The following CNTN5 variants were observed in gnomAD, a reference collection of about 807,000 sequenced individuals.
CNTN5 encodes contactin-5.
Under a neutral mutation model 129.1 loss-of-function variants are expected in CNTN5, and 77 were observed. The observed-to-expected ratio is 0.60, with a 90% CI of 0.50 to 0.72. The LOEUF is 0.72. Ranked by LOEUF, CNTN5 falls within the 30% of genes least tolerant of loss-of-function variation. CNTN5 has a pLI of 0.00. For missense variants in CNTN5, 1,478 were observed against 1,328.8 expected (o/e 1.11, Z -1.75); for synonymous variants, 509 against 465.6 (o/e 1.09, Z -1.20).
chr11:99,315,739 C>A (rs1865311625), intron 1 of CNTN5, among the ~76,000 whole-genome samples: 1 of 148,792 alleles, frequency 6.7e-6, no homozygotes, highest in African/African-American at 2.4e-5. Context: ...GAATGTAAAT[C>A]GCGGAGTGGG....
At chr11:99,647,222 A>T (rs922501682) in intron 3 of CNTN5, among the ~76,000 whole-genome samples, 1 of 152,108 alleles carries the variant, frequency 6.6e-6, no homozygotes, top group Middle Eastern at 3.4e-3. Context: ...GCTTCAATAC[A>T]TTTGGTAAAG....
At chr11:99,587,240 CT>C (rs1949823431) in intron 3 of CNTN5, among the ~76,000 whole-genome samples, 1 of 152,190 alleles carries the variant, frequency 6.6e-6, no homozygotes, top group Non-Finnish European at 1.5e-5. Context: ...CTACTCTATA[CT>C]GCACAGGATC....
intron 1 of CNTN5, among the ~76,000 whole-genome samples, chr11:99,149,239 C>T (rs1041113272): frequency 7.2e-5 from 11 of 152,056 alleles, no homozygotes; most frequent in Middle Eastern, 3.4e-3. Context: ...TCTTGTGTGT[C>T]ATCAACAAGG....
At chr11:100,128,355 T>A (rs11222866) in intron 13 of CNTN5, among the ~76,000 whole-genome samples, 19,496 of 152,106 alleles carry the variant, frequency 0.13, 1,304 homozygotes, top group East Asian at 0.19. Context: ...AATCAGTAAC[T>A]GCAGTTGATT....
At chr11:99,500,078 GAA>G (rs1266420491) in intron 2 of CNTN5, among the ~76,000 whole-genome samples, 1 of 152,136 alleles carries the variant, frequency 6.6e-6, no homozygotes, top group Non-Finnish European at 1.5e-5. Flanking sequence ...GAAAGTTGGA[GAA>G]GAGTGAAAAT....
chr11:99,678,428 A>G (rs1008963019), intron 3 of CNTN5, among the ~76,000 whole-genome samples: 3 of 152,284 alleles, frequency 2.0e-5, no homozygotes, highest in Admixed American at 6.5e-5. Context: ...TGATGGACAC[A>G]TGAATCTAAA....
intron 1 of CNTN5, among the ~76,000 whole-genome samples, chr11:99,111,310 G>T (rs983123504): frequency 6.6e-6 from 1 of 152,032 alleles, no homozygotes; most frequent in Non-Finnish European, 1.5e-5. Flanking sequence ...GTGTGTAGGT[G>T]TGTGTGTTTG....
intron 1 of CNTN5, among the ~76,000 whole-genome samples, chr11:99,279,443 A>AT (rs2135883518): frequency 6.6e-6 from 1 of 151,920 alleles, no homozygotes; most frequent in Non-Finnish European, 1.5e-5. Context: ...ATCTAAACCT[A>AT]TTTACCCTGT....
intron 8 of CNTN5, among the ~76,000 whole-genome samples, chr11:99,964,308 AG>A (rs1387351733): frequency 1.3e-5 from 2 of 151,962 alleles, no homozygotes; most frequent in Non-Finnish European, 2.9e-5. Context: ...TGTCATAGAT[AG>A]CTTTTATTTT....
At chr11:100,133,426 A>T (rs1215762964) in intron 13 of CNTN5, among the ~76,000 whole-genome samples, 1 of 152,114 alleles carries the variant, frequency 6.6e-6, no homozygotes, top group East Asian at 1.9e-4. Flanking sequence ...ATAGCTTCTC[A>T]CTGAGATTCT....
intron 1 of CNTN5, among the ~76,000 whole-genome samples, chr11:99,255,784 G>C (rs1017293902): frequency 6.6e-6 from 1 of 150,536 alleles, no homozygotes; most frequent in South Asian, 2.1e-4. Context: ...ACACATACAT[G>C]CATAAACACA....
At chr11:99,295,892 A>G (rs1864365439) in intron 1 of CNTN5, among the ~76,000 whole-genome samples, 1 of 151,438 alleles carries the variant, frequency 6.6e-6, no homozygotes. Flanking sequence ...CAAAAAAAAA[A>G]AAAAAAAAAA....
At chr11:99,515,949 GAAA>G (rs35512504) in intron 2 of CNTN5, among the ~76,000 whole-genome samples, 2 of 143,784 alleles carry the variant, frequency 1.4e-5, no homozygotes, top group East Asian at 4.0e-4. Context: ...ATAATTTTAT[GAAA>G]AAAAAAAAAC....
chr11:99,969,444 T>C (rs1015083636), intron 8 of CNTN5, among the ~76,000 whole-genome samples: 3 of 152,144 alleles, frequency 2.0e-5, no homozygotes, highest in African/African-American at 7.2e-5. Flanking sequence ...CACTTACGTT[T>C]ATCTAACTTT....
At chr11:100,022,347 A>G (rs917876325) in intron 9 of CNTN5, among the ~76,000 whole-genome samples, 29 of 152,186 alleles carry the variant, frequency 1.9e-4, no homozygotes, top group Middle Eastern at 3.2e-3. Context: ...AGTTATTGAC[A>G]TGGTGTGTTT....
chr11:99,110,443 A>G (rs1325980533), intron 1 of CNTN5, among the ~76,000 whole-genome samples: 1 of 152,124 alleles, frequency 6.6e-6, no homozygotes, highest in East Asian at 1.9e-4. Flanking sequence ...ACATTAAGTA[A>G]TGGTTTGCAT....
chr11:99,600,297 G>A (rs1234209773), intron 3 of CNTN5, among the ~76,000 whole-genome samples: 1 of 152,122 alleles, frequency 6.6e-6, no homozygotes, highest in South Asian at 2.1e-4. Flanking sequence ...CCAATTACTT[G>A]CTATGTGAGC....
intron 18 of CNTN5, among the ~76,000 whole-genome samples, chr11:100,286,100 G>A (rs991193163): frequency 1.3e-5 from 2 of 152,364 alleles, no homozygotes; most frequent in Middle Eastern, 3.4e-3. Flanking sequence ...GGCTGGGAGG[G>A]TCCTACGCCC....
intron 9 of CNTN5, among the ~76,000 whole-genome samples, chr11:100,012,134 C>T (rs1402243009): frequency 2.0e-5 from 3 of 152,108 alleles, no homozygotes; most frequent in South Asian, 2.1e-4. Flanking sequence ...AATCAATAAA[C>T]ATTTAGGCCT....
Sources: gnomAD v4.1 joint callset for allele counts (sites outside exome capture counted in the v4.1 genomes callset) on GRCh38, gnomAD v4.1.1 for gene constraint, MANE v1.5 for transcripts, NCBI Gene and HGNC (gene_info 2026-07-23, HGNC 2026-07-21) for gene names.